Variants in PKD1L3 observed in about 807,000 individuals in gnomAD.
PKD1L3 encodes polycystin-1-like protein 3.
A neutral mutation model predicts 184.1 loss-of-function variants in PKD1L3; 239 were observed. The ratio of observed to expected loss-of-function variants is 1.30; its 90% CI spans 1.17 to 1.45. The LOEUF is 1.45. PKD1L3 is among the 40% of genes most tolerant of loss of function. PKD1L3 has a pLI of 0.00. For synonymous variants in PKD1L3, 996 were observed against 778.8 expected, an observed-to-expected ratio of 1.28 and a Z score of -4.64; for missense variants, 2,660 against 2,067.2, an observed-to-expected ratio of 1.29 and a Z score of -5.56.
In PKD1L3 at chr16:71,967,491, G is replaced by C. The variant is rs1490432471; in HGVS notation, c.2287-176C>G. On this transcript the variant is annotated intron_variant, in intron 14 of 29. Transcript: ENST00000620267. ...ATAGATATATTTTTTCTGACATGAAGTCTTGCTCTGTCACCCAGGCTGGAG... is the reference window on the plus strand; with the variant it reads ...ATAGATATATTTTTTCTGACATGAACTCTTGCTCTGTCACCCAGGCTGGAG... Among the ~76,000 whole-genome samples the C allele has an allele frequency of 2.0e-5, 3 of 152,156 alleles. No homozygotes were observed. In the East Asian group the frequency reaches 5.8e-4, roughly 29 times the overall value.
rs748811101 is a variant in PKD1L3, at chr16:71,998,414, A to G, written c.296-20T>C. 1.8e-5 allele frequency: 27 copies of G among 1,537,526 alleles called. No individual in the cohort carries two copies. Among genetic ancestry groups the G allele is most frequent in the African/African-American group, 2.8e-5 (2 of 71,858 alleles). ...CGTCTGCTGAGGGGAGATCAGACGCAGATGAGCCTCATACTCGAAAGCCAG... is the reference window on the plus strand; with the variant it reads ...CGTCTGCTGAGGGGAGATCAGACGCGGATGAGCCTCATACTCGAAAGCCAG... On this transcript the variant is annotated intron_variant, in intron 1 of 29. Coordinates refer to ENST00000620267, the MANE Select transcript of PKD1L3 (RefSeq NM_181536.2).
intron 16 of PKD1L3, among the ~76,000 whole-genome samples, chr16:71,957,228 G>C (rs1273103957): frequency 6.6e-6 from 1 of 152,086 alleles, no homozygotes; most frequent in East Asian, 1.9e-4. Flanking sequence ...TATGCCAGTA[G>C]GTGTGGGTAA....
intron 25 of PKD1L3, among the ~76,000 whole-genome samples, chr16:71,936,444 C>T (rs2038179250): frequency 6.6e-6 from 1 of 151,420 alleles, no homozygotes. Flanking sequence ...CTCAGGTGAT[C>T]AACCCATCTT....
chr16:71,983,915 G>A (rs556950429), intron 6 of PKD1L3, 121 bp downstream of exon 6: 7 of 1,322,904 alleles, frequency 5.3e-6, no homozygotes, highest in South Asian at 4.4e-5. Flanking sequence ...CGCCCGCCTC[G>A]GCCTTCTAAA....
In PKD1L3 at chr16:71,954,255, G is replaced by C; in HGVS notation, c.2659C>G (p.Leu887Val). Residue 887 changes from leucine to valine, a missense_variant, in exon 17 of 30, where the codon CTG becomes GTG. Transcript: ENST00000620267. Reference protein sequence around the residue: ...MIVEKFTQDYLWLSIATRHPW... With the variant: ...MIVEKFTQDYVWLSIATRHPW... ...TGCCGAGTTGCAATTGAAAGCCACA[G>C]ATAATCCTGGGTGAACTTTTCCACA... 6.5e-7 allele frequency: 1 copy of C among 1,549,118 alleles called. No individual in the cohort carries two copies. The highest frequency in any genetic ancestry group is 1.2e-5 in the South Asian group (1 of 83,562).
chr16:71,951,837 A>G (rs1362845542), intron 18 of PKD1L3, 93 bp from the exon 19 acceptor site: 3 of 1,162,000 alleles, frequency 2.6e-6, no homozygotes, highest in Non-Finnish European at 3.6e-6. Context: ...CCCTTTCGTC[A>G]GAAGGGGATA....
rs150408921 is a variant in PKD1L3, at chr16:71,964,998, C to A, written c.2466-1647G>T. On this transcript the variant is annotated intron_variant, in intron 15 of 29. Transcript: ENST00000620267. ...AGTAGCTGGGAGTACAGGCATGAGC[C>A]ATCACGCCCAGCTAATTTTTGTATT... is the stretch of plus-strand genomic sequence containing the variant. Among the ~76,000 whole-genome samples the A allele has an allele frequency of 4.2e-3, 644 of 152,112 alleles. 4 individuals are homozygous for A. Among genetic ancestry groups the A allele is most frequent in the African/African-American group, 0.015 (611 of 41,484 alleles).
intron 28 of PKD1L3, 77 bp downstream of exon 28, chr16:71,933,343 C>G: frequency 1.9e-6 from 2 of 1,033,134 alleles, no homozygotes; most frequent in African/African-American, 1.6e-5. Flanking sequence ...CAGTAGGGGG[C>G]TGTTTTCATA....
At chr16:71,944,616 G>A (rs2038490204) in intron 22 of PKD1L3, among the ~76,000 whole-genome samples, 1 of 152,084 alleles carries the variant, frequency 6.6e-6, no homozygotes, top group East Asian at 1.9e-4. Flanking sequence ...CCAGGAGTTT[G>A]ATGTTGTACT....
In PKD1L3 at chr16:71,973,451, G is replaced by A. The variant is rs367778404; in HGVS notation, c.1826C>T (p.Thr609Ile). ...CTCCTGCCTCTCACTCAGCACAGCT[G>A]TTATATAGTAGGTGCCAATCCCGTG... Reference protein sequence around the residue: ...LQHGIGTYYITAVLSERQEGA... With the variant: ...LQHGIGTYYIIAVLSERQEGA... Residue 609 changes from threonine to isoleucine, a missense_variant, in exon 12 of 30, where the codon ACA (threonine) becomes ATA (isoleucine). By Grantham distance (89) the Thr-to-Ile change is moderately conservative (BLOSUM62 -1). Coordinates refer to ENST00000620267, the MANE Select transcript of PKD1L3 (RefSeq NM_181536.2). 93 of 1,551,836 alleles carry A rather than the reference G, an allele frequency of 6.0e-5. No individual in the cohort carries two copies. In the African/African-American group the frequency reaches 1.1e-3, roughly 19 times the overall value.
chr16:71,977,643 C>A (rs377058686), intron 10 of PKD1L3, among the ~76,000 whole-genome samples, 176 bp from the exon 11 acceptor site: 1 of 151,206 alleles, frequency 6.6e-6, no homozygotes, highest in African/African-American at 2.4e-5. Context: ...GCAATCCTCC[C>A]GCTTCAGTCT....
intron 16 of PKD1L3, among the ~76,000 whole-genome samples, chr16:71,955,710 A>T (rs773543483): frequency 6.6e-6 from 1 of 152,054 alleles, no homozygotes; most frequent in Non-Finnish European, 1.5e-5. Context: ...CTCCTCTGTC[A>T]TGGGAGGAAC....
chr16:71,951,959 A>G (rs890813933), intron 18 of PKD1L3, among the ~76,000 whole-genome samples: 1 of 152,190 alleles, frequency 6.6e-6, no homozygotes, highest in African/African-American at 2.4e-5. Flanking sequence ...TACAGAATGA[A>G]AAAAGAGACA....
At chr16:71,934,470 G>T (rs1349053050) in intron 26 of PKD1L3, among the ~76,000 whole-genome samples, 2 of 152,174 alleles carry the variant, frequency 1.3e-5, no homozygotes, top group Non-Finnish European at 2.9e-5. Flanking sequence ...CTCAAAAGGA[G>T]ATTAACTCAG....
At chr16:71,978,707 T>C (rs546433131) in intron 9 of PKD1L3, among the ~76,000 whole-genome samples, 1 of 151,748 alleles carries the variant, frequency 6.6e-6, no homozygotes, top group South Asian at 2.1e-4. Flanking sequence ...GCCTGGCTAA[T>C]TTTTGTATTT....
Position 71,999,692 on chromosome 16 carries a change from T to C in PKD1L3, c.287A>G (p.Lys96Arg). The C allele has an allele frequency of 1.9e-6, 3 of 1,546,344 alleles. No individual in the cohort carries two copies. Among genetic ancestry groups the C allele is most frequent in the Non-Finnish European group, 2.6e-6 (3 of 1,143,296 alleles). ...VMPLKKHQDN[K>R]YPADVAANGP... ...GAACCCCAGGGTCTTACCTGGGTAT[T>C]TGTTGTCTTGATGCTTTTTCAATGG... Residue 96 changes from lysine (K) to arginine (R), a missense_variant, in exon 1 of 30, where the codon AAA becomes AGA. By Grantham distance (26) the Lys-to-Arg change is conservative. Transcript: ENST00000620267.
chr16:71,960,549 A>G (rs1464000784), intron 16 of PKD1L3, among the ~76,000 whole-genome samples: 1 of 133,084 alleles, frequency 7.5e-6, no homozygotes. Context: ...AATAAAAAAA[A>G]AAGTATCCAG....
intron 4 of PKD1L3, among the ~76,000 whole-genome samples, chr16:71,988,207 T>G (rs2040448520): frequency 6.6e-6 from 1 of 152,130 alleles, no homozygotes; most frequent in South Asian, 2.1e-4. Context: ...ATTTTTTTTT[T>G]GTTTTGAAAT....
chr16:71,993,160 T>C (rs2040655568), intron 3 of PKD1L3, 56 bp downstream of exon 3: 2 of 1,256,028 alleles, frequency 1.6e-6, no homozygotes, highest in Non-Finnish European at 2.2e-6. Flanking sequence ...TGTGCATTCT[T>C]TTAGCAGAAA....
Sources: allele counts gnomAD v4.1 joint callset (sites outside exome capture counted in the v4.1 genomes callset), GRCh38; gene constraint gnomAD v4.1.1; transcripts MANE v1.5; gene names NCBI Gene and HGNC (gene_info 2026-07-23, HGNC 2026-07-21).